TRDN: variants seen among roughly 807,000 people sequenced by gnomAD.
TRDN encodes triadin.
A neutral mutation model predicts 149.7 loss-of-function variants in TRDN; 161 were observed. The observed-to-expected ratio is 1.08, with a 90% CI of 0.95 to 1.23. The LOEUF (loss-of-function observed/expected upper bound fraction) is 1.23, where lower values mean the gene tolerates loss of function less well. Ranked by LOEUF, TRDN falls within the 50% of genes most tolerant of loss-of-function variation. TRDN has a pLI of 0.00. For missense variants in TRDN, 896 were observed against 823.5 expected (o/e 1.09, Z -1.08); for synonymous variants, 294 against 250.5 (o/e 1.17, Z -1.64).
intron 2 of TRDN, among the ~76,000 whole-genome samples, chr6:123,563,399 A>C (rs1697564325): frequency 6.6e-6 from 1 of 152,230 alleles, no homozygotes; most frequent in Non-Finnish European, 1.5e-5. Flanking sequence ...AAGTATCCAG[A>C]TGAAAATTAG....
chr6:123,586,805 G>T (rs573463612), intron 1 of TRDN, among the ~76,000 whole-genome samples: 1 of 152,042 alleles, frequency 6.6e-6, no homozygotes, highest in East Asian at 1.9e-4. Context: ...GAGACATGGA[G>T]GGAAGGGGTT....
At chr6:123,635,896 G>T (rs181071132) in intron 1 of TRDN, among the ~76,000 whole-genome samples, 5 of 151,522 alleles carry the variant, frequency 3.3e-5, no homozygotes, top group Non-Finnish European at 5.9e-5. Context: ...TAAGAAATAC[G>T]TACATATATA....
intron 24 of TRDN, among the ~76,000 whole-genome samples, chr6:123,291,932 G>A (rs982161928): frequency 2.0e-5 from 3 of 152,104 alleles, no homozygotes; most frequent in African/African-American, 7.2e-5. Context: ...ATGGTAAAGT[G>A]TTTTGTCCTA....
chr6:123,441,477 C>T (rs536622809), intron 10 of TRDN, among the ~76,000 whole-genome samples: 1 of 152,206 alleles, frequency 6.6e-6, no homozygotes, highest in South Asian at 2.1e-4. Flanking sequence ...ATTACCTTTC[C>T]CTGACAAAAG....
chr6:123,576,957 A>T (rs372945644), intron 1 of TRDN, among the ~76,000 whole-genome samples: 1 of 151,996 alleles, frequency 6.6e-6, no homozygotes, highest in African/African-American at 2.4e-5. Context: ...TGTACTGCCA[A>T]ACTTAAAATA....
intron 12 of TRDN, among the ~76,000 whole-genome samples, chr6:123,422,971 TA>T (rs1773972587): frequency 6.6e-6 from 1 of 152,158 alleles, no homozygotes; most frequent in South Asian, 2.1e-4. Flanking sequence ...TATGGATTAC[TA>T]TGTAGCACAA....
chr6:123,412,317 C>T lies in TRDN; in HGVS notation c.1052-18640G>A, dbSNP rs115881615. Among the ~76,000 whole-genome samples the T allele has an allele frequency of 1.5e-3, 232 of 152,168 alleles. 2 individuals are homozygous for T. The highest frequency in any genetic ancestry group is 5.3e-3 in the African/African-American group (220 of 41,518). ...TAGGCAGTGCTGTCCAATATGGCAG[C>T]CAATAACTGTATTAAGCTGTTTAAA... On this transcript the variant is annotated intron_variant, in intron 12 of 40. Coordinates refer to ENST00000334268, the MANE Select transcript of TRDN (RefSeq NM_006073.4).
At position 123,217,902 on chromosome 6, in the gene TRDN, T is replaced by C. The variant is rs1349888454; in HGVS notation, c.*699A>G. 1 of 151,944 alleles carries C rather than the reference T, an allele frequency of 6.6e-6. No individual in the cohort carries two copies. The highest frequency in any genetic ancestry group is 1.5e-5 in the Non-Finnish European group (1 of 67,924). 9.4% of individuals were successfully genotyped at this position (151,944 alleles called of 1,614,324 possible). On this transcript the variant is annotated 3_prime_UTR_variant, in exon 41 of 41. Transcript: ENST00000334268. ...CAGACCTGACTAATTGAATGGTGTATTTCCACTGGACTGAATGTCCTAATT... is the reference window on the plus strand; with the variant it reads ...CAGACCTGACTAATTGAATGGTGTACTTCCACTGGACTGAATGTCCTAATT...
intron 38 of TRDN, among the ~76,000 whole-genome samples, chr6:123,233,767 G>A (rs1775693976): frequency 6.6e-6 from 1 of 151,908 alleles, no homozygotes. Context: ...AAGTGAGATT[G>A]TTTTAAATCC....
At chr6:123,629,343 T>G (rs9375280) in intron 1 of TRDN, among the ~76,000 whole-genome samples, 41,447 of 152,014 alleles carry the variant, frequency 0.27, 5,818 homozygotes, top group East Asian at 0.43. Flanking sequence ...AAACTAAGTT[T>G]GAAATACTAA....
chr6:123,512,328 T>G lies in TRDN; in HGVS notation c.585A>C (p.Lys195Asn). Reference protein sequence around the residue: ...THKEKIEKKEKPETKTLAKEQ... With the variant: ...THKEKIEKKENPETKTLAKEQ... ...CTTTCGCCAGTGTCTTTGTTTCTGG[T>G]TTTTCTTTTTTCTCAATTTTTTCCT... The change falls in exon 7 of 41, where the codon AAA (lysine) becomes AAC (asparagine). Residue 195 changes from lysine to asparagine, a missense_variant. Physicochemically the swap from Lys to Asn is moderately conservative, Grantham distance 94. Coordinates refer to ENST00000334268, the MANE Select transcript of TRDN (RefSeq NM_006073.4). 1 of 1,501,762 alleles carries G rather than the reference T, an allele frequency of 6.7e-7. No individual in the cohort carries two copies. 93.0% of individuals were successfully genotyped at this position (1,501,762 alleles called of 1,614,324 possible).
intron 13 of TRDN, among the ~76,000 whole-genome samples, chr6:123,391,029 C>T (rs1160968112): frequency 6.6e-6 from 1 of 152,052 alleles, no homozygotes; most frequent in Non-Finnish European, 1.5e-5. Context: ...ATTTTAATAT[C>T]ACTAGGTGTC....
At position 123,438,043 on chromosome 6, in the gene TRDN, A is replaced by G. The variant is rs1436980557; in HGVS notation, c.1051+20T>C. Reference sequence around the variant, plus strand: ...CATCCTGAACGTAATCCATCTAAGGAAACAAAGAAAGTGCAATACCTTTTT... The same window carrying G: ...CATCCTGAACGTAATCCATCTAAGGGAACAAAGAAAGTGCAATACCTTTTT... On this transcript the variant is annotated intron_variant, in intron 12 of 40. Coordinates refer to ENST00000334268, the MANE Select transcript of TRDN (RefSeq NM_006073.4). 1 of 1,590,680 alleles carries G rather than the reference A, an allele frequency of 6.3e-7. No individual in the cohort carries two copies. Among genetic ancestry groups the G allele is most frequent in the East Asian group, 2.3e-5 (1 of 44,382 alleles).
intron 12 of TRDN, among the ~76,000 whole-genome samples, chr6:123,427,697 G>A (rs577284696): frequency 6.6e-6 from 1 of 152,074 alleles, no homozygotes; most frequent in Non-Finnish European, 1.5e-5. Flanking sequence ...TGGCTTTGAT[G>A]TTCTCTGTTT....
chr6:123,604,558 A>T (rs11752729), intron 1 of TRDN, among the ~76,000 whole-genome samples: 9,564 of 152,260 alleles, frequency 0.063, 324 homozygotes, highest in African/African-American at 0.08. Context: ...ACAGCTGGGC[A>T]CAGTAGTTGG....
rs952211002 is a variant in TRDN at position 123,512,321 on chromosome 6, T to C, written c.592A>G (p.Thr198Ala). 8.7e-6 allele frequency: 13 copies of C among 1,500,962 alleles called. No individual in the cohort carries two copies. The Admixed American group carries it at 2.2e-4, about 25-fold the overall frequency. 93.0% of individuals were successfully genotyped at this position (1,500,962 alleles called of 1,614,324 possible). ...EKIEKKEKPETKTLAKEQKKA... is the reference protein window; with the variant it reads ...EKIEKKEKPEAKTLAKEQKKA... ...AAGTTACCTTTCGCCAGTGTCTTTG[T>C]TTCTGGTTTTTCTTTTTTCTCAATT... is the stretch of plus-strand genomic sequence containing the variant. Residue 198 changes from threonine to alanine, a missense_variant, in exon 7 of 41, where the codon ACA becomes GCA. Transcript: ENST00000334268.
At chr6:123,584,567 G>A (rs1289212717) in intron 1 of TRDN, among the ~76,000 whole-genome samples, 1 of 152,044 alleles carries the variant, frequency 6.6e-6, no homozygotes, top group African/African-American at 2.4e-5. Context: ...AGCAGGGAAC[G>A]CACGTGTGTT....
intron 38 of TRDN, among the ~76,000 whole-genome samples, chr6:123,238,310 G>A (rs1775862534): frequency 2.0e-5 from 3 of 152,160 alleles, no homozygotes; most frequent in African/African-American, 7.2e-5. Flanking sequence ...AAATTACCAT[G>A]TAAGTCAAGA....
intron 1 of TRDN, among the ~76,000 whole-genome samples, chr6:123,623,478 G>A (rs750280928): frequency 6.6e-6 from 1 of 152,166 alleles, no homozygotes; most frequent in Middle Eastern, 3.4e-3. Context: ...ATTATGGTGA[G>A]AGGTGCTACT....
Sources: gnomAD v4.1 joint callset for allele counts (sites outside exome capture counted in the v4.1 genomes callset) on GRCh38, gnomAD v4.1.1 for gene constraint, MANE v1.5 for transcripts, NCBI Gene and HGNC (gene_info 2026-07-23, HGNC 2026-07-21) for gene names.